BANK1: variants seen among roughly 807,000 people sequenced by gnomAD.
BANK1 encodes the protein B cell scaffold protein with ankyrin repeats 1, also known as B-cell scaffold protein with ankyrin repeats.
BANK1 carries 95 observed loss-of-function variants against 94.5 expected under a neutral mutation model. The ratio of observed to expected loss-of-function variants is 1.00; its 90% CI spans 0.85 to 1.19. The LOEUF (loss-of-function observed/expected upper bound fraction) is 1.19. Ranked by LOEUF, BANK1 falls within the 50% of genes most tolerant of loss-of-function variation. The pLI, the probability that BANK1 is intolerant of heterozygous loss-of-function variation, is 0.00. For synonymous variants in BANK1, 334 were observed against 308.4 expected (o/e 1.08, Z -0.87); for missense variants, 987 against 932.2 (o/e 1.06, Z -0.77).
At chr4:101,966,502 T>G (rs577449368) in intron 7 of BANK1, among the ~76,000 whole-genome samples, 1 of 152,162 alleles carries the variant, frequency 6.6e-6, no homozygotes, top group South Asian at 2.1e-4. Context: ...ATTTTTGAGT[T>G]TTTACAGGCT....
Position 101,917,245 on chromosome 4 carries a change from C to T in BANK1, c.1010-748C>T, listed in dbSNP as rs1206918848. Among the ~76,000 whole-genome samples, 5 of 152,094 alleles carry T rather than the reference C, an allele frequency of 3.3e-5. 1 individual carries two copies. In the East Asian group the frequency reaches 9.7e-4, roughly 29 times the overall value. On this transcript the variant is annotated intron_variant, in intron 6 of 16. Transcript: ENST00000322953. ...TTATGTTGGTGTGTAATTTCTATAA[C>T]TTTTTCTCAGCTAAGTGCAAAAGTA...
At chr4:101,891,758 C>T (rs1184068023) in intron 5 of BANK1, among the ~76,000 whole-genome samples, 4 of 152,134 alleles carry the variant, frequency 2.6e-5, no homozygotes, top group African/African-American at 9.6e-5. Flanking sequence ...CTGTTCTCTT[C>T]ATGTCACTGT....
chr4:102,005,713 T>TTA (rs1180636107), intron 7 of BANK1, among the ~76,000 whole-genome samples: 2 of 152,014 alleles, frequency 1.3e-5, no homozygotes, highest in Non-Finnish European at 2.9e-5. Context: ...ATTAAGTGCT[T>TTA]TATATATATT....
chr4:101,829,274 C>T (rs1056278257), intron 1 of BANK1, among the ~76,000 whole-genome samples: 2 of 152,088 alleles, frequency 1.3e-5, no homozygotes, highest in Non-Finnish European at 2.9e-5. Flanking sequence ...TTAAAAATTA[C>T]ATGTTTTACA....
Position 101,953,969 on chromosome 4 carries a change from G to A in BANK1, c.1206+35780G>A, listed in dbSNP as rs113090152. The stretch of plus-strand genomic sequence containing the variant: ...AAATTTGTTTTTTCATAGTACTGCA[G>A]GCTAGAAGTCTGAAATCAAGGTGTG... On this transcript the variant is annotated intron_variant, in intron 7 of 16. Transcript: ENST00000322953. 7.4e-3 allele frequency among the ~76,000 whole-genome samples: 1,126 copies of A among 152,198 alleles called. 11 individuals carry two copies. The highest frequency in any genetic ancestry group is 0.026 in the African/African-American group (1,064 of 41,528).
chr4:101,808,672 C>T (rs1323243854), intron 1 of BANK1, among the ~76,000 whole-genome samples: 2 of 151,698 alleles, frequency 1.3e-5, no homozygotes, highest in East Asian at 3.9e-4. Flanking sequence ...AAAAAAAAAT[C>T]CCATCAAAAA....
At chr4:102,043,612 T>C (rs1727775336) in intron 10 of BANK1, among the ~76,000 whole-genome samples, 1 of 152,054 alleles carries the variant, frequency 6.6e-6, no homozygotes, top group African/African-American at 2.4e-5. Context: ...AGGCATTGCA[T>C]CAGCATTATA....
chr4:102,049,917 C>T (rs2148959035), intron 11 of BANK1, among the ~76,000 whole-genome samples: 1 of 152,318 alleles, frequency 6.6e-6, no homozygotes, highest in East Asian at 1.9e-4. Flanking sequence ...TGAGCATATG[C>T]ACAACTTCAG....
In BANK1 at chr4:102,025,451, C is replaced by T. The variant is rs144768390; in HGVS notation, c.1536C>T (p.Pro512=). ...EPLMSSRPPL[P]PPRPVANAFQ... ...TCATGAGCAGCAGACCTCCTCTCCC[C>T]CCGCCGCGACCTGTAGCTAATGCCT... Residue 512 remains proline (P), a synonymous_variant, in exon 9 of 17, where the codon CCC becomes CCT. Transcript: ENST00000322953. 2.2e-5 allele frequency: 35 copies of T among 1,613,946 alleles called. No homozygotes were observed. The highest frequency in any genetic ancestry group is 2.7e-5 in the Non-Finnish European group (32 of 1,180,014).
chr4:102,055,926 G>T (rs1017565852), intron 11 of BANK1, among the ~76,000 whole-genome samples: 3 of 151,840 alleles, frequency 2.0e-5, no homozygotes, highest in Admixed American at 2.0e-4. Context: ...TAATTAAGAA[G>T]AATTGAAAGG....
chr4:101,879,631 A>T (rs990170321), intron 5 of BANK1, among the ~76,000 whole-genome samples: 6 of 151,938 alleles, frequency 3.9e-5, no homozygotes, highest in Non-Finnish European at 7.4e-5. Context: ...ACAAACACAC[A>T]TCAAAAAAAA....
intron 1 of BANK1, among the ~76,000 whole-genome samples, chr4:101,792,075 A>G (rs191577365): frequency 1.3e-5 from 2 of 152,340 alleles, no homozygotes; most frequent in East Asian, 3.9e-4. Context: ...CAATTTTGTT[A>G]GAGAATGGGG....
At chr4:102,009,993 G>A (rs1031177034) in intron 7 of BANK1, among the ~76,000 whole-genome samples, 40 of 152,166 alleles carry the variant, frequency 2.6e-4, no homozygotes, top group African/African-American at 8.4e-4. Context: ...GTGGCTGGGT[G>A]CCGTGGCTCA....
At chr4:101,894,774 A>G (rs1465501549) in intron 5 of BANK1, among the ~76,000 whole-genome samples, 2 of 151,992 alleles carry the variant, frequency 1.3e-5, no homozygotes, top group Non-Finnish European at 2.9e-5. Flanking sequence ...TTAGAGAAAT[A>G]GAGTAGAATA....
intron 6 of BANK1, among the ~76,000 whole-genome samples, chr4:101,914,118 C>A (rs1331355880): frequency 6.6e-6 from 1 of 152,148 alleles, no homozygotes; most frequent in Non-Finnish European, 1.5e-5. Flanking sequence ...TTTGTCTATG[C>A]CTGACAATAA....
chr4:102,063,188 A>T, intron 13 of BANK1, 50 bp downstream of exon 13: 2 of 1,518,422 alleles, frequency 1.3e-6, no homozygotes, highest in Non-Finnish European at 1.8e-6. Context: ...ATTACGTTGA[A>T]AATTCAAGGA....
At chr4:101,801,212 A>C (rs912769478) in intron 1 of BANK1, among the ~76,000 whole-genome samples, 1 of 152,214 alleles carries the variant, frequency 6.6e-6, no homozygotes, top group Non-Finnish European at 1.5e-5. Flanking sequence ...TCAAAGACTG[A>C]GCACAAAAAA....
chr4:102,015,704 C>G (rs944517661), intron 7 of BANK1, among the ~76,000 whole-genome samples: 1 of 152,108 alleles, frequency 6.6e-6, no homozygotes, highest in Non-Finnish European at 1.5e-5. Context: ...TTTCCTCCAG[C>G]CTTTGGCATC....
chr4:101,859,368 C>A (rs1727789480), intron 3 of BANK1, among the ~76,000 whole-genome samples: 1 of 152,156 alleles, frequency 6.6e-6, no homozygotes, highest in Non-Finnish European at 1.5e-5. Context: ...TGTGTCCTAC[C>A]TCAGAGATTC....
Sources: gnomAD v4.1 joint callset for allele counts (sites outside exome capture counted in the v4.1 genomes callset) on GRCh38, gnomAD v4.1.1 for gene constraint, MANE v1.5 for transcripts, NCBI Gene and HGNC (gene_info 2026-07-23, HGNC 2026-07-21) for gene names.